ZRANB3: variants seen among roughly 807,000 people sequenced by gnomAD.
ZRANB3 encodes the protein DNA annealing helicase and endonuclease ZRANB3.
A neutral mutation model predicts 133.8 loss-of-function variants in ZRANB3; 125 were observed. That is an observed-to-expected ratio of 0.93 (90% CI 0.81 to 1.08). ZRANB3 has a LOEUF of 1.08. Ranked by LOEUF, ZRANB3 falls within the 50% of genes least tolerant of loss-of-function variation. The probability of loss-of-function intolerance (pLI) is 0.00; values close to 1 mark genes in which losing one functional copy is unlikely to be tolerated. For synonymous variants in ZRANB3, 387 were observed against 432.7 expected, an observed-to-expected ratio of 0.89 and a Z score of 1.31; for missense variants, 1,229 against 1,275.5, an observed-to-expected ratio of 0.96 and a Z score of 0.56.
chr2:135,394,087 G>A (rs1403021002), intron 2 of ZRANB3, among the ~76,000 whole-genome samples: 1 of 151,724 alleles, frequency 6.6e-6, no homozygotes, highest in Non-Finnish European at 1.5e-5. Flanking sequence ...TCAAACTCCT[G>A]ATCTCATGAT....
intron 2 of ZRANB3, among the ~76,000 whole-genome samples, chr2:135,496,518 C>G (rs1692678830): frequency 6.6e-6 from 1 of 151,364 alleles, no homozygotes; most frequent in Admixed American, 6.6e-5. Context: ...AAATTAACCT[C>G]TAAAGGACCT....
chr2:135,274,434 T>G (rs1029338061), intron 9 of ZRANB3, among the ~76,000 whole-genome samples: 1 of 152,198 alleles, frequency 6.6e-6, no homozygotes, highest in Admixed American at 6.5e-5. Flanking sequence ...AGTTCATTCT[T>G]TCTTTCCTCT....
At chr2:135,493,846 G>C (rs920741827) in intron 2 of ZRANB3, among the ~76,000 whole-genome samples, 13 of 152,088 alleles carry the variant, frequency 8.5e-5, no homozygotes, top group African/African-American at 2.7e-4. Flanking sequence ...TTATTCATAA[G>C]AGCTCTAAAC....
chr2:135,510,427 T>C, intron 1 of ZRANB3: 1 of 374,742 alleles, frequency 2.7e-6, no homozygotes, highest in Non-Finnish European at 4.8e-6. Flanking sequence ...AAAATTATAC[T>C]AACTTAAGCA....
At chr2:135,525,229 C>T (rs2104846984) in intron 1 of ZRANB3, among the ~76,000 whole-genome samples, 1 of 152,044 alleles carries the variant, frequency 6.6e-6, no homozygotes, top group Middle Eastern at 3.4e-3. Flanking sequence ...GGATAATAAA[C>T]ATAAAAAAGA....
intron 2 of ZRANB3, among the ~76,000 whole-genome samples, chr2:135,477,227 T>C (rs1215170605): frequency 3.3e-5 from 5 of 152,218 alleles, no homozygotes; most frequent in Non-Finnish European, 4.4e-5. Context: ...GATATGCATA[T>C]GTAATATGAA....
intron 15 of ZRANB3, among the ~76,000 whole-genome samples, chr2:135,222,589 G>A (rs571507420): frequency 6.6e-6 from 1 of 152,064 alleles, no homozygotes; most frequent in African/African-American, 2.4e-5. Flanking sequence ...ACTTTTTCCA[G>A]TGGCTACATG....
chr2:135,512,134 G>A (rs922499147), intron 1 of ZRANB3, among the ~76,000 whole-genome samples: 1 of 152,078 alleles, frequency 6.6e-6, no homozygotes, highest in Non-Finnish European at 1.5e-5. Flanking sequence ...ATTGGCTAGG[G>A]AAATTTAGTG....
At chr2:135,455,279 C>T (rs1480942443) in intron 2 of ZRANB3, among the ~76,000 whole-genome samples, 1 of 146,028 alleles carries the variant, frequency 6.8e-6, no homozygotes, top group East Asian at 2.1e-4. Flanking sequence ...ACCTCCACCT[C>T]CCAGGTTCAA....
In ZRANB3 at chr2:135,313,517, C is replaced by A. The variant is rs767857886; in HGVS notation, c.938G>T (p.Arg313Leu). 3 of 1,613,086 alleles carry A rather than the reference C, an allele frequency of 1.9e-6. No individual in the cohort carries two copies. The highest frequency in any genetic ancestry group is 1.1e-5 in the South Asian group (1 of 90,882). Residue 313 changes from arginine to leucine, a missense_variant, in exon 8 of 21, where the codon CGC becomes CTC. Physicochemically the swap from Arg to Leu is moderately radical, Grantham distance 102. Coordinates refer to ENST00000264159, the MANE Select transcript of ZRANB3 (RefSeq NM_032143.4). Reference sequence around the variant, plus strand: ...GGCAATAGCAGTTTGTTTAAACATGCGAGTTATCAACCCCATGACTGTCTC... The same window carrying A: ...GGCAATAGCAGTTTGTTTAAACATGAGAGTTATCAACCCCATGACTGTCTC... ...AMETVMGLIT[R>L]MFKQTAIAKA...
chr2:135,229,469 G>A (rs924938015), intron 13 of ZRANB3, among the ~76,000 whole-genome samples: 8 of 150,146 alleles, frequency 5.3e-5, no homozygotes, highest in Non-Finnish European at 7.4e-5. Context: ...CCGGGTTCAC[G>A]CCATTCTCCT....
At chr2:135,314,084 G>A (rs551043233) in intron 7 of ZRANB3, among the ~76,000 whole-genome samples, 5 of 152,242 alleles carry the variant, frequency 3.3e-5, no homozygotes, top group African/African-American at 9.6e-5. Context: ...GGCTGGTCTC[G>A]AACTCCTAAC....
chr2:135,498,065 TAATAAATAAATAAATA>T (rs146727358), intron 2 of ZRANB3, among the ~76,000 whole-genome samples: 12 of 149,464 alleles, frequency 8.0e-5, no homozygotes, highest in East Asian at 1.9e-4. Context: ...AAATAATAAA[TAATAAATAAATAAATA>T]AATAAATAAA....
chr2:135,449,266 C>T (rs1040789988), intron 2 of ZRANB3, among the ~76,000 whole-genome samples: 9 of 152,122 alleles, frequency 5.9e-5, no homozygotes, highest in African/African-American at 1.2e-4. Flanking sequence ...TGAGAAATCC[C>T]GAGTGAACCC....
chr2:135,207,662 T>C lies in ZRANB3; in HGVS notation c.2781A>G (p.Lys927=). The C allele has an allele frequency of 6.2e-7, 1 of 1,614,024 alleles. No individual in the cohort carries two copies. The highest frequency in any genetic ancestry group is 1.1e-5 in the South Asian group (1 of 91,086). Residue 927 remains lysine, a synonymous_variant, in exon 19 of 21, where the codon AAA becomes AAG. Transcript: ENST00000264159. ...AAAACCGTGAATCCCAAGAGTTCGC[T>C]TTACATGCTTGCTTAGTCTGGCAAG... The part of the protein sequence containing the change: ...QPTCQTKQAC[K]ANSWDSRFCS...
intron 14 of ZRANB3, among the ~76,000 whole-genome samples, chr2:135,226,315 C>T (rs146844616): frequency 8.5e-5 from 13 of 152,300 alleles, no homozygotes; most frequent in Admixed American, 5.9e-4. Context: ...AACAAAACTA[C>T]AGTTCTAGAG....
rs1458792253 is a variant in ZRANB3, at chr2:135,445,170, A to G, written c.162-54350T>C. 3.9e-5 allele frequency among the ~76,000 whole-genome samples: 6 copies of G among 152,320 alleles called. No homozygotes were observed. In the South Asian group the frequency reaches 1.2e-3, roughly 32 times the overall value. On this transcript the variant is annotated intron_variant, in intron 2 of 20. Transcript: ENST00000264159. Reference sequence around the variant, plus strand: ...TTTTAAAGGGAAAAATAGGCCGGGCATGGTGGCTCATGCCTGTAATTCCAG... The same window carrying G: ...TTTTAAAGGGAAAAATAGGCCGGGCGTGGTGGCTCATGCCTGTAATTCCAG...
chr2:135,481,966 T>C (rs1254983691), intron 2 of ZRANB3, among the ~76,000 whole-genome samples: 2 of 136,932 alleles, frequency 1.5e-5, no homozygotes, highest in Non-Finnish European at 1.5e-5. Context: ...TTCTGTTCCA[T>C]TGATCTATAT....
At chr2:135,519,416 C>A (rs1373135941) in intron 1 of ZRANB3, among the ~76,000 whole-genome samples, 1 of 152,084 alleles carries the variant, frequency 6.6e-6, no homozygotes, top group Non-Finnish European at 1.5e-5. Flanking sequence ...GAGGCAGCAG[C>A]AGAAAGATCA....
Sources: gnomAD v4.1 joint callset for allele counts (sites outside exome capture counted in the v4.1 genomes callset) on GRCh38, gnomAD v4.1.1 for gene constraint, MANE v1.5 for transcripts, NCBI Gene and HGNC (gene_info 2026-07-23, HGNC 2026-07-21) for gene names.